ZNF737: variants seen among roughly 807,000 people sequenced by gnomAD.
ZNF737 encodes zinc finger protein 102 (Y3).
ZNF737 carries 13 observed loss-of-function variants against 11.7 expected under a neutral mutation model. The ratio of observed to expected loss-of-function variants is 1.11; its 90% confidence interval spans 0.73 to 1.77. ZNF737 has a LOEUF of 1.77. ZNF737 is among the 40% of genes most tolerant of loss of function. The pLI is 0.00. For missense variants in ZNF737, 636 were observed against 638.0 expected (o/e 1.00, Z 0.03); for synonymous variants, 217 against 216.2 (o/e 1.00, Z -0.03).
In ZNF737 at chr19:20,542,837, A is replaced by G. The variant is rs1293293918; in HGVS notation, c.*1755T>C. On this transcript the variant is annotated 3_prime_UTR_variant, in exon 4 of 4. Coordinates refer to ENST00000427401, the MANE Select transcript of ZNF737 (RefSeq NM_001159293.2). ...AGCCACTGATCACATGCTTTCTCAC[A>G]TGTGAATAGAAATAAAATAACAGCA... 2.0e-6 allele frequency: 2 copies of G among 985,258 alleles called. No individual in the cohort carries two copies. The highest frequency in any genetic ancestry group is 1.7e-5 in the African/African-American group (1 of 57,242). The allele number at this position is 985,258 out of a possible 1,614,324, so 61.0% of individuals were successfully genotyped here. A position where few individuals can be genotyped will look rare whatever the true frequency, so the allele number is the denominator to read the frequency against.
chr19:20,541,975 T>C lies in ZNF737; in HGVS notation c.*2617A>G, dbSNP rs1250754594. On this transcript the variant is annotated 3_prime_UTR_variant, in exon 4 of 4. Coordinates refer to ENST00000427401, the MANE Select transcript of ZNF737 (RefSeq NM_001159293.2). Reference sequence around the variant, plus strand: ...CATATTATATACCCACGAATACAAATAAAAAATTTAAATAATAAAGAGTCA... The same window carrying C: ...CATATTATATACCCACGAATACAAACAAAAAATTTAAATAATAAAGAGTCA... 2.1e-6 allele frequency: 2 copies of C among 962,670 alleles called. No individual in the cohort carries two copies. Among genetic ancestry groups the C allele is most frequent in the Non-Finnish European group, 2.5e-6 (2 of 809,634 alleles). 59.6% of individuals were successfully genotyped at this position (962,670 alleles called of 1,614,324 possible).
At chr19:20,533,449 A>G (rs1323231791), downstream of ZNF737, among the ~76,000 whole-genome samples, 1 of 150,008 alleles carries the variant, frequency 6.7e-6, no homozygotes, top group African/African-American at 2.5e-5. Flanking sequence ...ATATACATAC[A>G]TGGTAGATAC....
intron 2 of ZNF737, 48 bp from the exon 3 acceptor site, chr19:20,552,618 T>C (rs1555758882): frequency 3.7e-6 from 5 of 1,369,608 alleles, no homozygotes; most frequent in African/African-American, 1.5e-5. Context: ...TATTCTCCAA[T>C]TACAAGCTAG....
chr19:20,548,693 A>C (rs1968544819), intron 3 of ZNF737, among the ~76,000 whole-genome samples: 1 of 151,820 alleles, frequency 6.6e-6, no homozygotes, highest in African/African-American at 2.4e-5. Context: ...GACTTCCCTT[A>C]AATCTCCCAA....
chr19:20,546,325 G>A (rs1354194571), intron 3 of ZNF737, among the ~76,000 whole-genome samples: 8 of 152,028 alleles, frequency 5.3e-5, no homozygotes, highest in East Asian at 1.9e-4. Flanking sequence ...GGATGCAGTC[G>A]CTCATGCCTG....
At chr19:20,558,299 A>G (rs1442897832) in intron 1 of ZNF737, among the ~76,000 whole-genome samples, 1 of 151,024 alleles carries the variant, frequency 6.6e-6, no homozygotes, top group African/African-American at 2.4e-5. Context: ...AAAAGAACCT[A>G]TAATAACAAT....
chr19:20,536,104 T>C, downstream of ZNF737: 1 of 985,258 alleles, frequency 1.0e-6, no homozygotes, highest in African/African-American at 1.7e-5. Context: ...CAGATGAGAG[T>C]AGCAGTTTTC....
rs1969273831 is a variant in ZNF737, at chr19:20,565,699, A to C, written c.-59T>G. 1 of 1,612,226 alleles carries C rather than the reference A, an allele frequency of 6.2e-7. No individual in the cohort carries two copies. Among genetic ancestry groups the C allele is most frequent in the Non-Finnish European group, 8.5e-7 (1 of 1,178,314 alleles). ...CTGTGGATCTCCCAATACCTGCAGG[A>C]CACAGGGCCACAGAGGCTGGGCCTC... is the stretch of plus-strand genomic sequence containing the variant. On this transcript the variant is annotated 5_prime_UTR_variant, in exon 1 of 4. Transcript: ENST00000427401.
At chr19:20,549,482 G>C (rs1555757878) in intron 3 of ZNF737, among the ~76,000 whole-genome samples, 3 of 152,060 alleles carry the variant, frequency 2.0e-5, no homozygotes, top group Admixed American at 1.3e-4. Context: ...ACAAAAATTA[G>C]CTGAGCATGG....
rs566024000 is a variant in ZNF737, at chr19:20,552,538, A to G, written c.163T>C (p.Cys55Arg). 2.4e-4 allele frequency: 374 copies of G among 1,591,124 alleles called. 6 individuals are homozygous for G. In the South Asian group the frequency reaches 3.7e-3, roughly 16 times the overall value. ...IVVSKPDLITCLEQGKKPLTM... is the reference protein window; with the variant it reads ...IVVSKPDLITRLEQGKKPLTM... ...AAAGGTTTTTTTCCTTGCTCCAGAC[A>G]GGTGATGAGGTCTGGCTTAGAGACA... Residue 55 changes from cysteine to arginine, a missense_variant, in exon 3 of 4, where the codon TGT becomes CGT. By Grantham distance (180) the Cys-to-Arg change is radical (BLOSUM62 -3). Coordinates refer to ENST00000427401, the MANE Select transcript of ZNF737 (RefSeq NM_001159293.2).
rs112932780 is a variant in ZNF737, at chr19:20,565,598, C to G, written c.3+40G>C. The G allele has an allele frequency of 4.0e-5, 65 of 1,614,090 alleles. No individual in the cohort carries two copies. In the African/African-American group the frequency reaches 6.3e-4, roughly 16 times the overall value. ...GCCACTTCCCACCGGTTCCAACCAGCCTATCCCCCTCTCTCGGGATGTCGG... is the reference window on the plus strand; with the variant it reads ...GCCACTTCCCACCGGTTCCAACCAGGCTATCCCCCTCTCTCGGGATGTCGG... On this transcript the variant is annotated intron_variant, in intron 1 of 3. Transcript: ENST00000427401.
Position 20,540,298 on chromosome 19 carries a change from G to C in ZNF737, c.*4294C>G, listed in dbSNP as rs180783270. On this transcript the variant is annotated 3_prime_UTR_variant, in exon 4 of 4. Transcript: ENST00000427401. Reference sequence around the variant, plus strand: ...GCACAATCAGGATAATCTCCATTTTGATAAACACAAAGTCTACGGATGAGT... The same window carrying C: ...GCACAATCAGGATAATCTCCATTTTCATAAACACAAAGTCTACGGATGAGT... 2.9e-3 allele frequency: 833 copies of C among 290,836 alleles called. 2 individuals are homozygous for C. The highest frequency in any genetic ancestry group is 5.1e-3 in the Admixed American group (79 of 15,424). The allele number at this position is 290,836 out of a possible 1,614,324, so 18.0% of individuals were successfully genotyped here.
In ZNF737 at chr19:20,544,982, C is replaced by T. The variant is rs1968380972; in HGVS notation, c.1221G>A (p.Lys407=). 2 of 1,612,974 alleles carry T rather than the reference C, an allele frequency of 1.2e-6. No individual in the cohort carries two copies. The highest frequency in any genetic ancestry group is 8.5e-7 in the Non-Finnish European group (1 of 1,179,818). ...TATGTGTAGTAAGGGAAGAGGAGTACTTAAAGGCTTCGCCACATTCTTCAC... is the reference window on the plus strand; with the variant it reads ...TATGTGTAGTAAGGGAAGAGGAGTATTTAAAGGCTTCGCCACATTCTTCAC... The part of the protein sequence containing the change: ...YKCEECGEAF[K]YSSSLTTHKI... The change falls in exon 4 of 4, where the codon AAG becomes AAA. Residue 407 remains lysine (K), a synonymous_variant. Coordinates refer to ENST00000427401, the MANE Select transcript of ZNF737 (RefSeq NM_001159293.2).
rs1968290558 is a variant in ZNF737, at chr19:20,543,191, C to T, written c.*1401G>A. On this transcript the variant is annotated 3_prime_UTR_variant, in exon 4 of 4. Transcript: ENST00000427401. ...CATAAACTCTCTGTTGTTTTCTAAGCTGTAGTTTCTGGGGAAAAAAAAGTG... is the reference window on the plus strand; with the variant it reads ...CATAAACTCTCTGTTGTTTTCTAAGTTGTAGTTTCTGGGGAAAAAAAAGTG... 1.0e-6 allele frequency: 1 copy of T among 981,234 alleles called. No individual in the cohort carries two copies. The highest frequency in any genetic ancestry group is 1.2e-6 in the Non-Finnish European group (1 of 827,358). The allele number at this position is 981,234 out of a possible 1,614,324, so 60.8% of individuals were successfully genotyped here. A position where few individuals can be genotyped will look rare whatever the true frequency, so the allele number is the denominator to read the frequency against.
rs782061196 is a variant in ZNF737 at position 20,544,972 on chromosome 19, A to C, written c.1231T>G (p.Ser411Ala). 1.9e-5 allele frequency: 30 copies of C among 1,595,498 alleles called. 1 individual carries two copies. The South Asian group carries it at 3.2e-4, about 17-fold the overall frequency. Residue 411 changes from serine (S) to alanine (A), a missense_variant, in exon 4 of 4, where the codon TCC (serine) becomes GCC (alanine). Ser to Ala is a moderately conservative substitution (Grantham distance 99). Transcript: ENST00000427401. Reference protein sequence around the residue: ...ECGEAFKYSSSLTTHKIIHTG... With the variant: ...ECGEAFKYSSALTTHKIIHTG... ...TGGATTATCTTATGTGTAGTAAGGG[A>C]AGAGGAGTACTTAAAGGCTTCGCCA... is the stretch of plus-strand genomic sequence containing the variant.
At chr19:20,533,591 G>A (rs1967881802), downstream of ZNF737, among the ~76,000 whole-genome samples, 1 of 149,996 alleles carries the variant, frequency 6.7e-6, no homozygotes, top group African/African-American at 2.5e-5. Context: ...TTGCTCAGTA[G>A]CATGTCAGAA....
chr19:20,558,430 GC>G (rs1262574661), intron 1 of ZNF737, among the ~76,000 whole-genome samples: 1 of 152,022 alleles, frequency 6.6e-6, no homozygotes, highest in African/African-American at 2.4e-5. Context: ...ACCATATGAT[GC>G]ACAATTCAAT....
At chr19:20,560,354 T>C (rs1969045528) in intron 1 of ZNF737, among the ~76,000 whole-genome samples, 1 of 148,630 alleles carries the variant, frequency 6.7e-6, no homozygotes. Context: ...TCTCCAAAAA[T>C]AAAATGAAAT....
In ZNF737 at chr19:20,538,361, T is replaced by G. The variant is rs1968061441; in HGVS notation, c.*6231A>C. 6.6e-6 allele frequency among the ~76,000 whole-genome samples: 1 copy of G among 152,206 alleles called. No individual in the cohort carries two copies. The highest frequency in any genetic ancestry group is 1.5e-5 in the Non-Finnish European group (1 of 68,026). On this transcript the variant is annotated 3_prime_UTR_variant, in exon 4 of 4. Transcript: ENST00000427401. ...TTTACCTTTCTCAGCATTCCACAAG[T>G]TACTTCCTCCTTCCTTTGTTCTCCT... is the stretch of plus-strand genomic sequence containing the variant.
Sources: gnomAD v4.1 joint callset for allele counts (sites outside exome capture counted in the v4.1 genomes callset) on GRCh38, gnomAD v4.1.1 for gene constraint, MANE v1.5 for transcripts, NCBI Gene and HGNC (gene_info 2026-07-23, HGNC 2026-07-21) for gene names.